The following SUPT3H variants were observed in gnomAD, a reference collection of about 807,000 sequenced individuals.
The protein encoded by SUPT3H is transcription initiation protein SPT3 homolog.
SUPT3H carries 44 observed loss-of-function variants against 44.3 expected under a neutral mutation model. That is an observed-to-expected ratio of 0.99 (90% CI 0.78 to 1.28). SUPT3H has a LOEUF of 1.28. Ranked by LOEUF, SUPT3H falls within the 50% of genes most tolerant of loss-of-function variation. The pLI, the probability that SUPT3H is intolerant of heterozygous loss-of-function variation, is 0.00. For synonymous variants in SUPT3H, 124 were observed against 125.6 expected (o/e 0.99, Z 0.09); for missense variants, 380 against 387.1 (o/e 0.98, Z 0.15).
intron 6 of SUPT3H, among the ~76,000 whole-genome samples, chr6:44,997,746 T>A (rs1781460252): frequency 6.6e-6 from 1 of 151,920 alleles, no homozygotes; most frequent in Non-Finnish European, 1.5e-5. Flanking sequence ...TTAATATTTT[T>A]AAAACTATCA....
intron 2 of SUPT3H, among the ~76,000 whole-genome samples, chr6:45,262,021 G>A (rs1007314532): frequency 2.0e-5 from 3 of 151,980 alleles, no homozygotes; most frequent in Admixed American, 2.0e-4. Context: ...AGCAAACCAA[G>A]GAGGTAAAAG....
chr6:45,175,363 G>C (rs767167042), intron 2 of SUPT3H, among the ~76,000 whole-genome samples: 1 of 152,158 alleles, frequency 6.6e-6, no homozygotes, highest in Non-Finnish European at 1.5e-5. Flanking sequence ...GGTGAAAGGC[G>C]ATGGGGAAGC....
rs200096708 is a variant in SUPT3H at position 45,099,936 on chromosome 6, T to TA, written c.186+5985dup. On this transcript the variant is annotated intron_variant, in intron 3 of 10. Transcript: ENST00000371459. ...TTGTGTGGCTAAAGGCTTAGCCAGATAGGGATTCCCACATATCAGAACAAA... is the reference window on the plus strand; with the variant it reads ...TTGTGTGGCTAAAGGCTTAGCCAGATAAGGGATTCCCACATATCAGAACAAA... 7.8e-4 allele frequency among the ~76,000 whole-genome samples: 118 copies of TA among 152,252 alleles called. 3 individuals are homozygous for TA. The East Asian group carries it at 0.022, about 29-fold the overall frequency.
intron 10 of SUPT3H, among the ~76,000 whole-genome samples, chr6:44,922,389 A>G (rs1768870235): frequency 6.6e-6 from 1 of 152,214 alleles, no homozygotes; most frequent in Non-Finnish European, 1.5e-5. Flanking sequence ...ATGTTCTGGG[A>G]TTAACTTTGC....
chr6:45,132,131 C>A (rs1037803943), intron 2 of SUPT3H, among the ~76,000 whole-genome samples: 2 of 152,160 alleles, frequency 1.3e-5, no homozygotes, highest in African/African-American at 4.8e-5. Flanking sequence ...CAGCAGGTAA[C>A]TGAAACTGCA....
intron 2 of SUPT3H, among the ~76,000 whole-genome samples, chr6:45,168,987 T>C (rs960875454): frequency 6.6e-6 from 1 of 152,198 alleles, no homozygotes; most frequent in Non-Finnish European, 1.5e-5. Flanking sequence ...CCAGTGGCAC[T>C]GTTGAACTTT....
At chr6:44,976,320 C>G (rs550614161) in intron 6 of SUPT3H, among the ~76,000 whole-genome samples, 10 of 151,716 alleles carry the variant, frequency 6.6e-5, no homozygotes, top group Non-Finnish European at 1.3e-4. Flanking sequence ...TTCCTAAATA[C>G]TTAAGAAAAA....
chr6:45,266,625 A>G (rs1775308709), intron 2 of SUPT3H, among the ~76,000 whole-genome samples: 2 of 152,066 alleles, frequency 1.3e-5, no homozygotes, highest in South Asian at 4.1e-4. Flanking sequence ...TATATCCCTA[A>G]TAATTTTCAC....
At chr6:44,879,943 A>T (rs1777947957) in intron 10 of SUPT3H, among the ~76,000 whole-genome samples, 1 of 152,220 alleles carries the variant, frequency 6.6e-6, no homozygotes, top group Non-Finnish European at 1.5e-5. Context: ...ATCAAAGACC[A>T]GAGGTAAATA....
At chr6:45,061,657 C>A (rs1792058813) in intron 3 of SUPT3H, among the ~76,000 whole-genome samples, 2 of 152,096 alleles carry the variant, frequency 1.3e-5, no homozygotes, top group African/African-American at 2.4e-5. Flanking sequence ...CTTTTAAAAA[C>A]AATTTCTTAC....
At chr6:45,254,271 A>C (rs1249037869) in intron 2 of SUPT3H, among the ~76,000 whole-genome samples, 1 of 152,158 alleles carries the variant, frequency 6.6e-6, no homozygotes, top group Non-Finnish European at 1.5e-5. Flanking sequence ...CACAGGATAG[A>C]AACAGCAGAA....
chr6:44,841,623 T>C (rs1461338762), intron 10 of SUPT3H, among the ~76,000 whole-genome samples: 1 of 152,240 alleles, frequency 6.6e-6, no homozygotes, highest in Non-Finnish European at 1.5e-5. Context: ...TGTATTTAAG[T>C]AAATTTTATT....
intron 2 of SUPT3H, among the ~76,000 whole-genome samples, chr6:45,307,031 T>A (rs199572775): frequency 1.3e-5 from 2 of 152,204 alleles, no homozygotes; most frequent in South Asian, 2.1e-4. Context: ...CTAGCACAGC[T>A]GTCTGAGATC....
intron 2 of SUPT3H, among the ~76,000 whole-genome samples, chr6:45,269,735 T>C (rs73735337): frequency 0.15 from 22,848 of 152,194 alleles, 1,963 homozygotes; most frequent in East Asian, 0.26. Context: ...AGACAGATGT[T>C]TAAAGCGCAA....
chr6:45,069,759 T>C (rs898013847), intron 3 of SUPT3H, among the ~76,000 whole-genome samples: 3 of 152,192 alleles, frequency 2.0e-5, no homozygotes, highest in Non-Finnish European at 4.4e-5. Flanking sequence ...TCTTATTTAT[T>C]TATTTTTAAA....
chr6:45,270,434 G>T (rs749155745), intron 2 of SUPT3H, among the ~76,000 whole-genome samples: 5 of 152,050 alleles, frequency 3.3e-5, no homozygotes, highest in Non-Finnish European at 7.4e-5. Flanking sequence ...TGCTGTTCTC[G>T]CGGTAGTACA....
At chr6:44,978,689 G>A (rs751011214) in intron 6 of SUPT3H, among the ~76,000 whole-genome samples, 5 of 152,082 alleles carry the variant, frequency 3.3e-5, no homozygotes, top group African/African-American at 4.8e-5. Context: ...CTTTCTATTC[G>A]TTCTAAGTAA....
chr6:45,371,833 A>T, intron 1 of SUPT3H: 1 of 984,434 alleles, frequency 1.0e-6, no homozygotes, highest in Non-Finnish European at 1.2e-6. Flanking sequence ...ATCTGAGCAG[A>T]CTTCAGAACT....
intron 10 of SUPT3H, among the ~76,000 whole-genome samples, chr6:44,863,265 A>C (rs1774953758): frequency 6.6e-6 from 1 of 152,222 alleles, no homozygotes; most frequent in African/African-American, 2.4e-5. Flanking sequence ...CTCACACAAA[A>C]TATTACAGTG....
Sources: gnomAD v4.1 joint callset for allele counts (sites outside exome capture counted in the v4.1 genomes callset) on GRCh38, gnomAD v4.1.1 for gene constraint, MANE v1.5 for transcripts, NCBI Gene and HGNC (gene_info 2026-07-23, HGNC 2026-07-21) for gene names.